Variants in DDX17 observed in about 807,000 individuals in gnomAD.
The protein encoded by DDX17 is probable ATP-dependent RNA helicase DDX17.
A neutral mutation model predicts 80.8 loss-of-function variants in DDX17; 10 were observed. The observed-to-expected ratio is 0.12, with a 90% CI of 0.08 to 0.21. The LOEUF is 0.21. DDX17 is among the 10% of genes least tolerant of loss of function. The pLI, the probability that DDX17 is intolerant of heterozygous loss-of-function variation, is 1.00. For synonymous variants in DDX17, 339 were observed against 336.2 expected (o/e 1.01, Z -0.09); for missense variants, 586 against 957.4 (o/e 0.61, Z 5.12).
intron 11 of DDX17, chr22:38,488,477 A>G: frequency 7.2e-6 from 8 of 1,117,444 alleles, no homozygotes; most frequent in Non-Finnish European, 8.8e-6. Flanking sequence ...AAACCAGAAC[A>G]TAGAACAAAG....
At chr22:38,502,560 C>G (rs886393158) in intron 1 of DDX17, among the ~76,000 whole-genome samples, 10 of 152,058 alleles carry the variant, frequency 6.6e-5, no homozygotes, top group Non-Finnish European at 1.3e-4. Flanking sequence ...AAGGCTTTAA[C>G]ACTCAACTAA....
At chr22:38,492,267 T>A in intron 10 of DDX17, 152 bp from the exon 11 acceptor site, 1 of 593,884 alleles carries the variant, frequency 1.7e-6, no homozygotes, top group Non-Finnish European at 2.9e-6. Context: ...TTTATTACAC[T>A]CATATTCAGC....
rs1478627200 is a variant in DDX17 at position 38,489,239 on chromosome 22, CCCT to C, written c.1448-1127_1448-1125del. On this transcript the variant is annotated intron_variant, in intron 11 of 12. Coordinates refer to ENST00000403230, the MANE Select transcript of DDX17 (RefSeq NM_006386.5). This position sits in a 1 kb window ranked among gnomAD's most constrained non-coding sequence, Gnocchi z 4.6. ...GTTTGTTACCAGACCGATGCACACT[CCCT>C]CCTCCTTTGGGAAACCGCTGCAGCC... 1.0e-6 allele frequency: 1 copy of C among 985,794 alleles called. No homozygotes were observed. Among genetic ancestry groups the C allele is most frequent in the Non-Finnish European group, 1.2e-6 (1 of 829,924 alleles). The allele number at this position is 985,794 out of a possible 1,614,324, so 61.1% of individuals were successfully genotyped here. A position where few individuals can be genotyped will look rare whatever the true frequency, so the allele number is the denominator to read the frequency against.
chr22:38,497,629 A>AAAAAAAAAAG (rs1468089964), intron 5 of DDX17, among the ~76,000 whole-genome samples: 1 of 149,646 alleles, frequency 6.7e-6, no homozygotes, highest in African/African-American at 2.5e-5. Flanking sequence ...CAAAAAAAAA[A>AAAAAAAAAAG]AAAAAAAAGA....
intron 12 of DDX17, among the ~76,000 whole-genome samples, chr22:38,487,167 G>A (rs1490108080): frequency 6.6e-6 from 1 of 151,966 alleles, no homozygotes; most frequent in Admixed American, 6.6e-5. Flanking sequence ...GACTGTCTCT[G>A]CCCCCGCCCC....
intron 11 of DDX17, 186 bp downstream of exon 11, chr22:38,491,869 CA>C (rs1274987287): frequency 4.8e-6 from 2 of 419,494 alleles, no homozygotes; most frequent in Non-Finnish European, 7.8e-6. Context: ...TGGGGGAAAC[CA>C]AAGTTAAAAA....
intron 11 of DDX17, chr22:38,491,839 C>T: frequency 2.3e-6 from 1 of 433,392 alleles, no homozygotes; most frequent in Non-Finnish European, 3.9e-6. Flanking sequence ...CAGGAAGAGA[C>T]TTTGAAAATA....
Position 38,500,606 on chromosome 22 carries a change from C to T in DDX17, c.438+524G>A, listed in dbSNP as rs555055600. On this transcript the variant is annotated intron_variant, in intron 2 of 12. Coordinates refer to ENST00000403230, the MANE Select transcript of DDX17 (RefSeq NM_006386.5). ...GGTCGATCACCTGAGGTCCGAGGTCCGGAGTTTGAGACCAGCCTGCCCAAC... is the reference window on the plus strand; with the variant it reads ...GGTCGATCACCTGAGGTCCGAGGTCTGGAGTTTGAGACCAGCCTGCCCAAC... Among the ~76,000 whole-genome samples the T allele has an allele frequency of 6.6e-5, 10 of 151,036 alleles. No individual in the cohort carries two copies. The South Asian group carries it at 1.0e-3, about 16-fold the overall frequency.
At chr22:38,488,652 A>T in intron 11 of DDX17, 1 of 987,456 alleles carries the variant, frequency 1.0e-6, no homozygotes, top group Non-Finnish European at 1.2e-6. Context: ...AGGAAACTTA[A>T]ATGTTTTGAT....
chr22:38,483,490 G>A lies in DDX17; in HGVS notation c.*2445C>T, dbSNP rs16998989. 5,195 of 152,638 alleles carry A rather than the reference G, an allele frequency of 0.034. 108 individuals carry two copies. The highest frequency in any genetic ancestry group is 0.054 in the Middle Eastern group (16 of 294). The allele number at this position is 152,638 out of a possible 1,614,324, so 9.5% of individuals were successfully genotyped here. A position where few individuals can be genotyped will look rare whatever the true frequency, so the allele number is the denominator to read the frequency against. On this transcript the variant is annotated 3_prime_UTR_variant, in exon 13 of 13. Transcript: ENST00000403230. ...CCTACAAAAAGAAAACAAGATGATG[G>A]TATCAAAAGGACAATTTACAAACTA...
intron 6 of DDX17, among the ~76,000 whole-genome samples, chr22:38,495,405 C>T (rs559200636): frequency 2.8e-4 from 43 of 152,254 alleles, no homozygotes; most frequent in African/African-American, 8.2e-4. Flanking sequence ...GCCACCACGC[C>T]TGGCTAATTT....
chr22:38,495,703 TA>T, intron 6 of DDX17, 92 bp downstream of exon 6: 1 of 1,076,838 alleles, frequency 9.3e-7, no homozygotes, highest in East Asian at 2.7e-5. Context: ...ATTCTGAGTT[TA>T]TCACAAGAAC....
In DDX17 at chr22:38,499,519, G is replaced by A. The variant is rs201879767; in HGVS notation, c.439-20C>T. Reference sequence around the variant, plus strand: ...CTCATACTATTGAAAAAAAATGAAAGAAGTTAGTAAACTAGTTATTCTAAA... The same window carrying A: ...CTCATACTATTGAAAAAAAATGAAAAAAGTTAGTAAACTAGTTATTCTAAA... On this transcript the variant is annotated intron_variant, in intron 2 of 12. Transcript: ENST00000403230. 1.3e-6 allele frequency: 1 copy of A among 790,948 alleles called. No homozygotes were observed. Among genetic ancestry groups the A allele is most frequent in the Non-Finnish European group, 1.8e-6 (1 of 562,854 alleles). 49.0% of individuals were successfully genotyped at this position (790,948 alleles called of 1,614,324 possible).
In DDX17 at chr22:38,485,907, T is replaced by C; in HGVS notation, c.*28A>G. ...GTGTTCCTTAAAATGTAATTAAGTCTGCTGGAGTCACTACCACTTGAGTGG... is the reference window on the plus strand; with the variant it reads ...GTGTTCCTTAAAATGTAATTAAGTCCGCTGGAGTCACTACCACTTGAGTGG... On this transcript the variant is annotated 3_prime_UTR_variant, in exon 13 of 13. Transcript: ENST00000403230. 6.2e-7 allele frequency: 1 copy of C among 1,611,020 alleles called. No individual in the cohort carries two copies. The highest frequency in any genetic ancestry group is 1.1e-5 in the South Asian group (1 of 90,800).
At chr22:38,500,733 C>T (rs1041364036) in intron 2 of DDX17, among the ~76,000 whole-genome samples, 4 of 145,242 alleles carry the variant, frequency 2.8e-5, no homozygotes, top group Non-Finnish European at 1.5e-5. Context: ...AGTAGAATCG[C>T]TTGAACCCAG....
intron 11 of DDX17, chr22:38,490,475 GT>G (rs1481640291): frequency 7.8e-7 from 1 of 1,281,886 alleles, no homozygotes; most frequent in African/African-American, 1.5e-5. Context: ...AATACTTTTA[GT>G]TTAACAGTGT....
At chr22:38,490,161 C>A in intron 11 of DDX17, 1 of 1,155,228 alleles carries the variant, frequency 8.7e-7, no homozygotes, top group Non-Finnish European at 1.1e-6. Context: ...TTTCTCCAGT[C>A]AAGTCTACCC....
At chr22:38,495,979 T>TAAAAAAAAAAAAAAAAAA (rs201173235) in intron 5 of DDX17, 42 bp from the exon 6 acceptor site, 2 of 761,438 alleles carry the variant, frequency 2.6e-6, no homozygotes, top group South Asian at 4.6e-5. Flanking sequence ...ATCCAAGGTT[T>TAAAAAAAAAAAAAAAAAA]AAAAAAAAAA....
At position 38,489,019 on chromosome 22, in the gene DDX17, G is replaced by A. The variant is rs1316240226; in HGVS notation, c.1448-904C>T. 1.0e-6 allele frequency: 1 copy of A among 984,994 alleles called. No homozygotes were observed. Among genetic ancestry groups the A allele is most frequent in the Non-Finnish European group, 1.2e-6 (1 of 829,776 alleles). The allele number at this position is 984,994 out of a possible 1,614,324, so 61.0% of individuals were successfully genotyped here. A position where few individuals can be genotyped will look rare whatever the true frequency, so the allele number is the denominator to read the frequency against. On this transcript the variant is annotated intron_variant, in intron 11 of 12. Transcript: ENST00000403230. The surrounding 1 kb of genome is among the most constrained non-coding windows in gnomAD (Gnocchi z 4.6). ...GAATTGGGCTGAATAACCTCCTAAG[G>A]CTTAAAATGTAAATGTTAGTGTAAT...
Sources: gnomAD v4.1 joint callset for allele counts (sites outside exome capture counted in the v4.1 genomes callset) on GRCh38, gnomAD v4.1.1 for gene constraint, Gnocchi (gnomAD v3.1) non-coding constraint, MANE v1.5 for transcripts, NCBI Gene and HGNC (gene_info 2026-07-23, HGNC 2026-07-21) for gene names.